Variants in SND1 observed in about 807,000 individuals in gnomAD.
The protein encoded by SND1 is staphylococcal nuclease and tudor domain containing 1, also known as staphylococcal nuclease domain-containing protein 1.
SND1 carries 38 observed loss-of-function variants against 121.7 expected under a neutral mutation model. That is an observed-to-expected ratio of 0.31 (90% CI 0.24 to 0.41). SND1 has a LOEUF of 0.41. Among genes scored for constraint, SND1 ranks in the 10% least tolerant of loss-of-function variants. The pLI, the probability that SND1 is intolerant of heterozygous loss-of-function variation, is 1.00. For missense variants in SND1, 868 were observed against 1,184.6 expected (o/e 0.73, Z 3.92); for synonymous variants, 401 against 447.4 (o/e 0.90, Z 1.31).
intron 16 of SND1, among the ~76,000 whole-genome samples, chr7:128,038,858 G>T (rs1434723973): frequency 6.6e-6 from 1 of 151,992 alleles, no homozygotes; most frequent in Non-Finnish European, 1.5e-5. Context: ...TTTTACACTT[G>T]CCCTCTACAG....
At chr7:127,729,761 G>T (rs1310865463) in intron 10 of SND1, among the ~76,000 whole-genome samples, 1 of 152,258 alleles carries the variant, frequency 6.6e-6, no homozygotes, top group Admixed American at 6.5e-5. Flanking sequence ...ATGGATTATG[G>T]ATGAAGCAGC....
intron 10 of SND1, among the ~76,000 whole-genome samples, chr7:127,754,219 G>C (rs1563001554): frequency 6.6e-6 from 1 of 152,204 alleles, no homozygotes; most frequent in Non-Finnish European, 1.5e-5. Context: ...ATAGGGCTCA[G>C]ATTGAGGAGG....
intron 11 of SND1, among the ~76,000 whole-genome samples, chr7:127,838,844 A>G (rs1798913620): frequency 6.6e-6 from 1 of 152,216 alleles, no homozygotes; most frequent in Non-Finnish European, 1.5e-5. Context: ...CTTATTTAGC[A>G]TTTAACTCTG....
intron 1 of SND1, among the ~76,000 whole-genome samples, chr7:127,680,936 A>G (rs1025965854): frequency 1.3e-5 from 2 of 152,136 alleles, no homozygotes; most frequent in African/African-American, 4.8e-5. Flanking sequence ...GGGAACTAAT[A>G]AATGTCCATG....
chr7:128,071,443 C>T (rs964196971), intron 16 of SND1, among the ~76,000 whole-genome samples: 1 of 152,252 alleles, frequency 6.6e-6, no homozygotes, highest in Non-Finnish European at 1.5e-5. Flanking sequence ...CTGTGTCTAT[C>T]TTTTAATTAA....
chr7:128,012,082 G>A (rs1482412709), intron 16 of SND1, among the ~76,000 whole-genome samples: 1 of 152,174 alleles, frequency 6.6e-6, no homozygotes, highest in East Asian at 1.9e-4. Context: ...AGAACCACTA[G>A]TTAGTTTAGG....
At chr7:127,793,776 C>T (rs1408522143) in intron 10 of SND1, among the ~76,000 whole-genome samples, 7 of 152,144 alleles carry the variant, frequency 4.6e-5, no homozygotes, top group Non-Finnish European at 2.9e-5. Flanking sequence ...AGTTATAGAG[C>T]GAGAAGTTCC....
intron 16 of SND1, among the ~76,000 whole-genome samples, chr7:128,039,345 G>GT (rs1792808880): frequency 6.6e-6 from 1 of 152,212 alleles, no homozygotes; most frequent in Non-Finnish European, 1.5e-5. Flanking sequence ...CTAGCAGTGA[G>GT]TTTATTATTT....
intron 12 of SND1, among the ~76,000 whole-genome samples, chr7:127,879,967 A>C (rs1405743172): frequency 2.0e-5 from 3 of 152,204 alleles, no homozygotes; most frequent in Non-Finnish European, 2.9e-5. Flanking sequence ...CTATCAGTGA[A>C]GTAGTAGTTC....
intron 12 of SND1, among the ~76,000 whole-genome samples, chr7:127,879,357 C>T (rs574681422): frequency 2.0e-5 from 3 of 152,098 alleles, no homozygotes; most frequent in Non-Finnish European, 4.4e-5. Context: ...GGCCTGTTCA[C>T]CATTGAGCAT....
chr7:127,916,682 AG>A (rs1359374372), intron 14 of SND1, among the ~76,000 whole-genome samples: 1 of 152,210 alleles, frequency 6.6e-6, no homozygotes, highest in African/African-American at 2.4e-5. Flanking sequence ...ACAAATTAAT[AG>A]AGAGAGCTTC....
chr7:127,902,607 G>A (rs1800255913), intron 13 of SND1, among the ~76,000 whole-genome samples: 1 of 152,232 alleles, frequency 6.6e-6, no homozygotes, highest in Non-Finnish European at 1.5e-5. Flanking sequence ...CCCAAAGGGT[G>A]AGTGGCAAAG....
chr7:127,845,009 G>C (rs1019273441), intron 12 of SND1, among the ~76,000 whole-genome samples: 1 of 152,180 alleles, frequency 6.6e-6, no homozygotes, highest in African/African-American at 2.4e-5. Context: ...CAGTCAGCCA[G>C]TCCCCAATAG....
chr7:128,062,813 G>A (rs562832595), intron 16 of SND1, among the ~76,000 whole-genome samples: 3 of 152,182 alleles, frequency 2.0e-5, no homozygotes, highest in Non-Finnish European at 4.4e-5. Context: ...TGAAGGGATT[G>A]AGCTAGGGGT....
intron 14 of SND1, among the ~76,000 whole-genome samples, chr7:127,910,794 T>G (rs2116778171): frequency 6.6e-6 from 1 of 152,244 alleles, no homozygotes; most frequent in African/African-American, 2.4e-5. Flanking sequence ...CCAACTGCAG[T>G]CTAAGTTATT....
At chr7:127,834,326 G>A (rs1489105495) in intron 11 of SND1, among the ~76,000 whole-genome samples, 1 of 152,182 alleles carries the variant, frequency 6.6e-6, no homozygotes, top group African/African-American at 2.4e-5. Context: ...GAACACTGTG[G>A]AACTGAGAAA....
chr7:127,906,472 T>C (rs1220022560), intron 14 of SND1, among the ~76,000 whole-genome samples: 3 of 152,186 alleles, frequency 2.0e-5, no homozygotes, highest in East Asian at 1.9e-4. Context: ...AAAGCTGTTA[T>C]AGTAATAAAA....
chr7:127,699,593 C>T (rs1356079606), intron 4 of SND1, among the ~76,000 whole-genome samples: 1 of 152,064 alleles, frequency 6.6e-6, no homozygotes, highest in African/African-American at 2.4e-5. Context: ...TTTGTTTAGC[C>T]AATGGCAATG....
At chr7:127,704,753 GTTAA>G (rs1488731812) in intron 7 of SND1, 82 bp from the exon 8 acceptor site, 5 of 1,109,064 alleles carry the variant, frequency 4.5e-6, no homozygotes, top group Non-Finnish European at 4.1e-6. Context: ...TTGTGACTGT[GTTAA>G]TTGTGTCAGA....
Sources: gnomAD v4.1 joint callset for allele counts (sites outside exome capture counted in the v4.1 genomes callset) on GRCh38, gnomAD v4.1.1 for gene constraint, MANE v1.5 for transcripts, NCBI Gene and HGNC (gene_info 2026-07-23, HGNC 2026-07-21) for gene names.